Variants in RAD51B observed in about 807,000 individuals in gnomAD.
RAD51B encodes the protein DNA repair protein RAD51 homolog 2.
A neutral mutation model predicts 42.2 loss-of-function variants in RAD51B; 38 were observed. The ratio of observed to expected loss-of-function variants is 0.90; its 90% CI spans 0.70 to 1.18. RAD51B has a LOEUF of 1.18. Ranked by LOEUF, RAD51B falls within the 50% of genes most tolerant of loss-of-function variation. RAD51B has a pLI of 0.00. For synonymous variants in RAD51B, 154 were observed against 145.2 expected (o/e 1.06, Z -0.43); for missense variants, 373 against 400.7 (o/e 0.93, Z 0.59).
chr14:68,554,861 T>G (rs1259574541), intron 10 of RAD51B, among the ~76,000 whole-genome samples: 1 of 151,764 alleles, frequency 6.6e-6, no homozygotes, highest in Non-Finnish European at 1.5e-5. Flanking sequence ...AAAGTTTTTT[T>G]TTTTTTTTTG....
At chr14:68,205,986 G>A (rs1274642) in intron 7 of RAD51B, among the ~76,000 whole-genome samples, 26,011 of 152,062 alleles carry the variant, frequency 0.17, 2,370 homozygotes, top group Middle Eastern at 0.36. Flanking sequence ...GTTGTTTATA[G>A]CACTTTTTCC....
At chr14:68,339,093 A>G (rs971136343) in intron 8 of RAD51B, 3 of 686,430 alleles carry the variant, frequency 4.4e-6, no homozygotes, top group Non-Finnish European at 2.7e-6. Flanking sequence ...GTTCTCCACC[A>G]AGGTGGTGAC....
rs535287733 is a variant in RAD51B at position 68,003,199 on chromosome 14, TTCTTTGAGCAGTGCTTTA to T, written c.756+115997_756+116014del. Among the ~76,000 whole-genome samples, 352 of 152,342 alleles carry T rather than the reference TTCTTTGAGCAGTGCTTTA, an allele frequency of 2.3e-3. 1 individual carries two copies. Among genetic ancestry groups the T allele is most frequent in the African/African-American group, 8.2e-3 (341 of 41,580 alleles). ...TCCATTTGTTTGTGTCATCTGTGAT[TTCTTTGAGCAGTGCTTTA>T]TAGTTCTCCTTGAAGAGGTCCTTCA... On this transcript the variant is annotated intron_variant, in intron 7 of 10. Coordinates refer to ENST00000471583, the MANE Select transcript of RAD51B (RefSeq NM_133510.4).
chr14:68,480,171 C>T (rs1417001486), downstream of RAD51B, among the ~76,000 whole-genome samples: 1 of 152,160 alleles, frequency 6.6e-6, no homozygotes, highest in African/African-American at 2.4e-5. Flanking sequence ...CTCCCGGGTT[C>T]AAGCAATTCT....
intron 9 of RAD51B, among the ~76,000 whole-genome samples, chr14:68,427,439 G>T (rs147442935): frequency 1.3e-5 from 2 of 152,206 alleles, no homozygotes; most frequent in Non-Finnish European, 2.9e-5. Flanking sequence ...TACAACCCCT[G>T]CCTTAGTGTG....
intron 10 of RAD51B, among the ~76,000 whole-genome samples, chr14:68,501,351 G>A (rs1194622542): frequency 9.2e-5 from 14 of 152,220 alleles, no homozygotes; most frequent in African/African-American, 2.2e-4. Context: ...TCTCCTGACC[G>A]CTCCTGTTGC....
intron 7 of RAD51B, among the ~76,000 whole-genome samples, chr14:68,188,340 C>A (rs1042215456): frequency 6.7e-6 from 1 of 149,728 alleles, no homozygotes; most frequent in African/African-American, 2.5e-5. Context: ...CTCCTCCCTT[C>A]TGTCCCTCCT....
intron 7 of RAD51B, among the ~76,000 whole-genome samples, chr14:68,159,380 G>C (rs144698964): frequency 1.3e-5 from 2 of 152,118 alleles, no homozygotes; most frequent in African/African-American, 2.4e-5. Flanking sequence ...CCAGCACTTT[G>C]GGAGGCTGCG....
intron 7 of RAD51B, among the ~76,000 whole-genome samples, chr14:68,209,113 C>T (rs2079650568): frequency 1.3e-5 from 2 of 152,282 alleles, no homozygotes; most frequent in South Asian, 4.2e-4. Context: ...ATTTTGTCAT[C>T]CTTCACATTG....
intron 9 of RAD51B, among the ~76,000 whole-genome samples, chr14:68,433,766 C>T (rs190637853): frequency 1.3e-5 from 2 of 152,360 alleles, no homozygotes; most frequent in East Asian, 3.9e-4. Context: ...CATTCTCCGT[C>T]CAGCTTTGTT....
intron 7 of RAD51B, among the ~76,000 whole-genome samples, chr14:68,288,118 G>A (rs1318577449): frequency 1.3e-5 from 2 of 152,176 alleles, no homozygotes; most frequent in African/African-American, 4.8e-5. Context: ...AAACCAGACT[G>A]TGTTGAGTCT....
chr14:68,538,346 G>A (rs1887761909), intron 10 of RAD51B, among the ~76,000 whole-genome samples: 1 of 152,176 alleles, frequency 6.6e-6, no homozygotes, highest in Non-Finnish European at 1.5e-5. Context: ...GAGGGCCGGG[G>A]GCCAGGAGCC....
intron 9 of RAD51B, among the ~76,000 whole-genome samples, chr14:68,427,991 T>C (rs2084895748): frequency 6.6e-6 from 1 of 152,236 alleles, no homozygotes; most frequent in East Asian, 1.9e-4. Flanking sequence ...AGTGAGTTTG[T>C]TATCACAGGA....
At chr14:67,964,883 A>G (rs1341379674) in intron 7 of RAD51B, among the ~76,000 whole-genome samples, 1 of 152,234 alleles carries the variant, frequency 6.6e-6, no homozygotes, top group African/African-American at 2.4e-5. Context: ...TAAAGAAGAA[A>G]TTTGACAGAA....
intron 7 of RAD51B, among the ~76,000 whole-genome samples, chr14:67,955,580 A>C (rs2074531394): frequency 6.6e-6 from 1 of 152,228 alleles, no homozygotes; most frequent in South Asian, 2.1e-4. Context: ...TGTGTAAAAG[A>C]TGTTTGACTT....
At chr14:68,170,948 C>A (rs1958115) in intron 7 of RAD51B, among the ~76,000 whole-genome samples, 134,608 of 152,282 alleles carry the variant, frequency 0.88, 59,829 homozygotes, top group East Asian at 0.99. Context: ...TAAAATGTTC[C>A]TGTCTTGGTT....
At chr14:68,382,601 A>G (rs750385773) in intron 8 of RAD51B, among the ~76,000 whole-genome samples, 2 of 152,250 alleles carry the variant, frequency 1.3e-5, no homozygotes, top group African/African-American at 4.8e-5. Context: ...ACAAAGACTT[A>G]GAACTTAATA....
intron 8 of RAD51B, among the ~76,000 whole-genome samples, chr14:68,378,474 A>G (rs1313490896): frequency 1.3e-5 from 2 of 152,170 alleles, no homozygotes; most frequent in African/African-American, 4.8e-5. Flanking sequence ...GGATTGGTTC[A>G]AGGACTCAGC....
At position 68,119,267 on chromosome 14, in the gene RAD51B, C is replaced by CT. The variant is rs111645280; in HGVS notation, c.757-172604dup. On this transcript the variant is annotated intron_variant, in intron 7 of 10. Coordinates refer to ENST00000471583, the MANE Select transcript of RAD51B (RefSeq NM_133510.4). ...AGGCTGCAGTTCTTGATGTTAATTT[C>CT]TTTTTTTTTTTTTACAACTATTTTA... Among the ~76,000 whole-genome samples the CT allele has an allele frequency of 4.4e-3, 590 of 134,972 alleles. 1 individual carries two copies. Among genetic ancestry groups the CT allele is most frequent in the East Asian group, 0.016 (72 of 4,572 alleles). The allele number at this position is 134,972 out of a possible 152,430, so 88.5% of individuals were successfully genotyped here.
Sources: allele counts gnomAD v4.1 joint callset (sites outside exome capture counted in the v4.1 genomes callset), GRCh38; gene constraint gnomAD v4.1.1; transcripts MANE v1.5; gene names NCBI Gene and HGNC (gene_info 2026-07-23, HGNC 2026-07-21).